The following KAT14 variants were observed in gnomAD, a reference collection of about 807,000 sequenced individuals.
KAT14 encodes the protein cysteine-rich protein 2-binding protein.
KAT14 carries 66 observed loss-of-function variants against 78.4 expected under a neutral mutation model. The ratio of observed to expected loss-of-function variants is 0.84; its 90% CI spans 0.69 to 1.03. KAT14 has a LOEUF of 1.03. Among genes scored for constraint, KAT14 ranks in the 50% least tolerant of loss-of-function variants. The probability of loss-of-function intolerance (pLI) is 0.00; values close to 1 mark genes in which losing one functional copy is unlikely to be tolerated. For synonymous variants in KAT14, 344 were observed against 359.4 expected, an observed-to-expected ratio of 0.96 and a Z score of 0.48; for missense variants, 870 against 972.5, an observed-to-expected ratio of 0.89 and a Z score of 1.40.
At position 18,162,576 on chromosome 20, in the gene KAT14, C is replaced by T; in HGVS notation, c.1299C>T (p.Asn433=). Residue 433 remains asparagine, a synonymous_variant, in exon 7 of 11, where the codon AAC becomes AAT. Coordinates refer to ENST00000688188, the MANE Select transcript of KAT14 (RefSeq NM_001392073.1). ...TTGACAGTGAAGACACAGATTCAAA[C>T]ACATCTTTGCAAACAAGGGCTAGAG... is the stretch of plus-strand genomic sequence containing the variant. ...MDIDSEDTDS[N]TSLQTRAREK... The T allele has an allele frequency of 6.2e-7, 1 of 1,614,144 alleles. No homozygotes were observed. Among genetic ancestry groups the T allele is most frequent in the South Asian group, 1.1e-5 (1 of 91,080 alleles).
intron 5 of KAT14, among the ~76,000 whole-genome samples, chr20:18,160,971 T>C (rs2038397478): frequency 6.6e-6 from 1 of 151,990 alleles, no homozygotes; most frequent in Admixed American, 6.6e-5. Context: ...GGTCAGGAGT[T>C]CGAGACCAGC....
chr20:18,161,789 G>T (rs773621169), intron 5 of KAT14, 34 bp from the exon 6 acceptor site: 1 of 1,590,092 alleles, frequency 6.3e-7, no homozygotes, highest in South Asian at 1.1e-5. Context: ...TTCAGATGAG[G>T]GATACTCAGC....
At chr20:18,146,171 T>A (rs1317957279) in intron 3 of KAT14, among the ~76,000 whole-genome samples, 1 of 152,246 alleles carries the variant, frequency 6.6e-6, no homozygotes, top group Non-Finnish European at 1.5e-5. Flanking sequence ...TTAAATTGTT[T>A]TAGTTTTGTT....
intron 10 of KAT14, among the ~76,000 whole-genome samples, chr20:18,186,329 T>A (rs1280304695): frequency 6.6e-6 from 1 of 152,226 alleles, no homozygotes; most frequent in African/African-American, 2.4e-5. Flanking sequence ...ATTTGCAATC[T>A]AGCAAACACC....
intron 3 of KAT14, among the ~76,000 whole-genome samples, chr20:18,150,419 G>A (rs1183205025): frequency 6.6e-6 from 1 of 152,146 alleles, no homozygotes; most frequent in Non-Finnish European, 1.5e-5. Context: ...ATGCTGGCTG[G>A]AGTAGGCACC....
intron 4 of KAT14, among the ~76,000 whole-genome samples, chr20:18,152,533 G>T (rs1175276807): frequency 6.6e-6 from 1 of 151,972 alleles, no homozygotes; most frequent in African/African-American, 2.4e-5. Context: ...GCTGAGATGG[G>T]GCCACTTCAC....
intron 7 of KAT14, among the ~76,000 whole-genome samples, chr20:18,176,278 GC>G (rs1474008079): frequency 3.0e-5 from 4 of 132,308 alleles, no homozygotes; most frequent in African/African-American, 1.1e-4. Context: ...TCCAGCTTGG[GC>G]AACAGAGTGA....
intron 10 of KAT14, 84 bp downstream of exon 10, chr20:18,184,876 TTCCCAGCA>T (rs1428120777): frequency 1.6e-5 from 22 of 1,401,606 alleles, no homozygotes; most frequent in Admixed American, 2.6e-5. Flanking sequence ...GAGCTAGCCC[TTCCCAGCA>T]TGGCCCAATG....
At chr20:18,138,312 C>G in intron 1 of KAT14, 2 of 1,171,244 alleles carry the variant, frequency 1.7e-6, no homozygotes, top group Non-Finnish European at 2.1e-6. Flanking sequence ...GAGCTCCGCG[C>G]TGAAGGGGCC....
chr20:18,181,513 C>T (rs912620554), intron 7 of KAT14, among the ~76,000 whole-genome samples, 197 bp from the exon 8 acceptor site: 1 of 151,898 alleles, frequency 6.6e-6, no homozygotes, highest in Non-Finnish European at 1.5e-5. Context: ...GGACTACAGG[C>T]GCACCTGCCA....
intron 5 of KAT14, among the ~76,000 whole-genome samples, chr20:18,161,123 G>A (rs1051784667): frequency 2.0e-5 from 3 of 149,996 alleles, no homozygotes; most frequent in Non-Finnish European, 3.0e-5. Flanking sequence ...GCAGTGAGCC[G>A]AGATCACACC....
chr20:18,145,004 C>T, intron 2 of KAT14: 11 of 1,079,632 alleles, frequency 1.0e-5, no homozygotes, highest in Non-Finnish European at 1.3e-5. Context: ...TTTCCAGTAC[C>T]TTTCTCCTAA....
chr20:18,186,912 G>A (rs551207169), intron 10 of KAT14, among the ~76,000 whole-genome samples: 12 of 152,232 alleles, frequency 7.9e-5, no homozygotes, highest in African/African-American at 2.9e-4. Flanking sequence ...GTTTTAAAAA[G>A]CAAAACTTAT....
intron 5 of KAT14, among the ~76,000 whole-genome samples, chr20:18,160,259 T>A (rs546056498): frequency 1.7e-3 from 265 of 152,252 alleles, no homozygotes; most frequent in Non-Finnish European, 2.6e-3. Context: ...TACTTAAGGG[T>A]GTAAAGTATG....
At chr20:18,183,043 GT>G (rs2039318118) in intron 8 of KAT14, 79 bp from the exon 9 acceptor site, 1 of 1,527,218 alleles carries the variant, frequency 6.5e-7, no homozygotes, top group Non-Finnish European at 8.8e-7. Context: ...AGATCAAAGA[GT>G]TTATATGAGT....
chr20:18,140,540 T>C (rs1362863165), intron 1 of KAT14, among the ~76,000 whole-genome samples: 2 of 152,118 alleles, frequency 1.3e-5, no homozygotes, highest in Non-Finnish European at 2.9e-5. Context: ...CCAGGCACGG[T>C]AGCTCATGCC....
rs199532746 is a variant in KAT14 at position 18,142,690 on chromosome 20, G to A, written c.30G>A (p.Leu10=). Residue 10 remains leucine, a synonymous_variant, in exon 2 of 11, where the codon CTG becomes CTA. Transcript: ENST00000688188. Reference sequence around the variant, plus strand: ...ATAGTAGCATCCACCTGAGTAGTCTGATCAGTCGGCATGATGACGAAGCCA... The same window carrying A: ...ATAGTAGCATCCACCTGAGTAGTCTAATCAGTCGGCATGATGACGAAGCCA... The part of the protein sequence containing the change: MDSSIHLSS[L]ISRHDDEATR... 1 of 1,614,180 alleles carries A rather than the reference G, an allele frequency of 6.2e-7. No individual in the cohort carries two copies. Among genetic ancestry groups the A allele is most frequent in the Admixed American group, 1.7e-5 (1 of 60,022 alleles).
In KAT14 at chr20:18,142,808, T is replaced by C; in HGVS notation, c.148T>C (p.Leu50=). The stretch of plus-strand genomic sequence containing the variant: ...ATCCGAGGATCAGGCATCAGTGGAC[T>C]TATCGCACGACCAGAGTGGGGATTC... ...VESEDQASVD[L]SHDQSGDSLN... Residue 50 remains leucine (L), a synonymous_variant, in exon 2 of 11, where the codon TTA becomes CTA. Transcript: ENST00000688188. 6.2e-7 allele frequency: 1 copy of C among 1,614,158 alleles called. No homozygotes were observed. Among genetic ancestry groups the C allele is most frequent in the Non-Finnish European group, 8.5e-7 (1 of 1,180,028 alleles).
At chr20:18,166,069 A>T (rs1488509412) in intron 7 of KAT14, among the ~76,000 whole-genome samples, 1 of 152,210 alleles carries the variant, frequency 6.6e-6, no homozygotes, top group Non-Finnish European at 1.5e-5. Context: ...AATTGTTAGA[A>T]ATAGATAATC....
Sources: allele counts gnomAD v4.1 joint callset (sites outside exome capture counted in the v4.1 genomes callset), GRCh38; gene constraint gnomAD v4.1.1; transcripts MANE v1.5; gene names NCBI Gene and HGNC (gene_info 2026-07-23, HGNC 2026-07-21).